Variants in EFCAB6 observed in about 807,000 individuals in gnomAD.
EFCAB6 encodes EF-hand calcium-binding domain-containing protein 6.
In EFCAB6, 156 loss-of-function variants were observed where a neutral mutation model predicts 169.8. That is an observed-to-expected ratio of 0.92 (90% CI 0.81 to 1.05). The LOEUF (loss-of-function observed/expected upper bound fraction) is 1.05. Among genes scored for constraint, EFCAB6 ranks in the 50% least tolerant of loss-of-function variants. EFCAB6 has a pLI of 0.00. For synonymous variants in EFCAB6, 698 were observed against 676.4 expected (o/e 1.03, Z -0.50); for missense variants, 1,800 against 1,829.1 (o/e 0.98, Z 0.29).
At chr22:43,580,188 T>G (rs1234982819) in intron 25 of EFCAB6, among the ~76,000 whole-genome samples, 1 of 152,170 alleles carries the variant, frequency 6.6e-6, no homozygotes, top group Admixed American at 6.5e-5. Flanking sequence ...GAGCCCACTC[T>G]TGCCCAAGGG....
chr22:43,773,202 T>C (rs1233381729), intron 3 of EFCAB6, 99 bp from the exon 4 acceptor site: 1 of 1,185,074 alleles, frequency 8.4e-7, no homozygotes, highest in East Asian at 2.5e-5. Context: ...ACTTATTAGA[T>C]GGTATTTCTC....
intron 10 of EFCAB6, among the ~76,000 whole-genome samples, chr22:43,709,887 C>T (rs192613687): frequency 7.6e-4 from 115 of 152,190 alleles, no homozygotes; most frequent in Admixed American, 9.8e-4. Context: ...CCACAGCATT[C>T]GTACATGGTG....
At position 43,795,420 on chromosome 22, in the gene EFCAB6, C is replaced by A. The variant is rs900154997; in HGVS notation, c.-7-13095G>T. Among the ~76,000 whole-genome samples, 4 of 152,126 alleles carry A rather than the reference C, an allele frequency of 2.6e-5. No individual in the cohort carries two copies. The highest frequency in any genetic ancestry group is 9.7e-5 in the African/African-American group (4 of 41,418). On this transcript the variant is annotated intron_variant, in intron 2 of 31. Coordinates refer to ENST00000262726, the MANE Select transcript of EFCAB6 (RefSeq NM_022785.4). This position sits in a 1 kb window ranked among gnomAD's most constrained non-coding sequence, Gnocchi z 4.2. ...GTCATGGCATGTTCTAGACATCATG[C>A]CTACCAGTGCCCACTAGGCAGGAGA...
At chr22:43,691,083 AC>A (rs955508784) in intron 10 of EFCAB6, among the ~76,000 whole-genome samples, 3 of 152,092 alleles carry the variant, frequency 2.0e-5, no homozygotes, top group Admixed American at 6.6e-5. Flanking sequence ...AGCACTGTGG[AC>A]ATGATCATGA....
intron 2 of EFCAB6, among the ~76,000 whole-genome samples, chr22:43,796,880 G>A (rs1311620491): frequency 2.6e-5 from 4 of 152,208 alleles, no homozygotes; most frequent in Non-Finnish European, 2.9e-5. Context: ...CTGGATTGTC[G>A]AGTGGGCCCT....
chr22:43,627,148 A>T (rs1480599012), intron 19 of EFCAB6, among the ~76,000 whole-genome samples: 1 of 152,186 alleles, frequency 6.6e-6, no homozygotes. Context: ...TGTTTCGATG[A>T]CCGTGATAGA....
intron 17 of EFCAB6, among the ~76,000 whole-genome samples, chr22:43,653,351 A>G (rs1376099610): frequency 1.3e-5 from 2 of 152,246 alleles, no homozygotes; most frequent in Non-Finnish European, 2.9e-5. Context: ...TATACCCAAT[A>G]AGATACATGG....
At chr22:43,566,312 C>T (rs947916740) in intron 26 of EFCAB6, among the ~76,000 whole-genome samples, 2 of 152,218 alleles carry the variant, frequency 1.3e-5, no homozygotes, top group Non-Finnish European at 2.9e-5. Flanking sequence ...GATCTCTTAC[C>T]ACACAAGGAT....
chr22:43,620,106 T>C (rs2054015449), intron 20 of EFCAB6, among the ~76,000 whole-genome samples: 1 of 152,126 alleles, frequency 6.6e-6, no homozygotes, highest in South Asian at 2.1e-4. Context: ...TTGCTTGAAC[T>C]CAGGAGTTCG....
chr22:43,695,201 T>C (rs548709620), intron 10 of EFCAB6, among the ~76,000 whole-genome samples: 1 of 152,152 alleles, frequency 6.6e-6, no homozygotes, highest in South Asian at 2.1e-4. Flanking sequence ...TATTTCTGAT[T>C]AATAGCCATA....
rs140066633 is a variant in EFCAB6, at chr22:43,610,461, A to T, written c.2563-1861T>A. 1.0e-3 allele frequency among the ~76,000 whole-genome samples: 158 copies of T among 152,362 alleles called. 1 individual carries two copies. The highest frequency in any genetic ancestry group is 3.6e-3 in the African/African-American group (150 of 41,584). ...CTAATAACAAACAAAATGCCAATCA[A>T]ATCTGCAATGAGATACTATTACATA... is the stretch of plus-strand genomic sequence containing the variant. On this transcript the variant is annotated intron_variant, in intron 21 of 31. Coordinates refer to ENST00000262726, the MANE Select transcript of EFCAB6 (RefSeq NM_022785.4).
At chr22:43,678,431 G>A (rs2057869046) in intron 12 of EFCAB6, among the ~76,000 whole-genome samples, 1 of 150,340 alleles carries the variant, frequency 6.7e-6, no homozygotes, top group Admixed American at 6.7e-5. Flanking sequence ...CATGGCTTTG[G>A]GTGAGCAATG....
rs1439573177 is a variant in EFCAB6, at chr22:43,600,495, A to G, written c.2682-232T>C. ...GCATCCTCATGTTAACAAGGACCCC[A>G]GGTGACTCACAGGCACATCAGCATT... On this transcript the variant is annotated intron_variant, in intron 22 of 31. Coordinates refer to ENST00000262726, the MANE Select transcript of EFCAB6 (RefSeq NM_022785.4). 3.9e-5 allele frequency among the ~76,000 whole-genome samples: 6 copies of G among 152,272 alleles called. No homozygotes were observed. The East Asian group carries it at 1.2e-3, about 29-fold the overall frequency.
chr22:43,746,051 G>A lies in EFCAB6; in HGVS notation c.507+9715C>T, dbSNP rs140682846. On this transcript the variant is annotated intron_variant, in intron 6 of 31. Transcript: ENST00000262726. ...TTCCTATTTACCAGCTGGTAGAGAT[G>A]CGCCAAACCAGATAGGAAAAAATTA... Among the ~76,000 whole-genome samples, 28 of 152,248 alleles carry A rather than the reference G, an allele frequency of 1.8e-4. No homozygotes were observed. The East Asian group carries it at 5.2e-3, about 28-fold the overall frequency.
intron 28 of EFCAB6, among the ~76,000 whole-genome samples, chr22:43,539,243 G>A (rs182216462): frequency 2.0e-5 from 3 of 152,276 alleles, no homozygotes; most frequent in Non-Finnish European, 4.4e-5. Flanking sequence ...CCAAGGATTA[G>A]GACACAGGCA....
At chr22:43,684,212 T>C (rs753409433) in intron 11 of EFCAB6, among the ~76,000 whole-genome samples, 22 of 152,182 alleles carry the variant, frequency 1.4e-4, no homozygotes, top group Non-Finnish European at 2.8e-4. Context: ...CTCCTGTGTG[T>C]GCAGCACATT....
At chr22:43,581,178 T>C (rs2050698027) in intron 24 of EFCAB6, among the ~76,000 whole-genome samples, 2 of 152,104 alleles carry the variant, frequency 1.3e-5, no homozygotes, top group South Asian at 4.1e-4. Context: ...ATGGAGGCCT[T>C]AACCAAGAAG....
At chr22:43,529,532 CTT>C (rs1199045370) in intron 31 of EFCAB6, among the ~76,000 whole-genome samples, 1 of 152,246 alleles carries the variant, frequency 6.6e-6, no homozygotes, top group South Asian at 2.1e-4. Context: ...CTCAGCCTCT[CTT>C]GCAGCTAGGT....
intron 3 of EFCAB6, among the ~76,000 whole-genome samples, chr22:43,780,401 C>A (rs1380095786): frequency 6.9e-6 from 1 of 144,388 alleles, no homozygotes; most frequent in East Asian, 2.1e-4. Flanking sequence ...GCATGAGAAT[C>A]ACTTGAACCT....
Sources: allele counts gnomAD v4.1 joint callset (sites outside exome capture counted in the v4.1 genomes callset), GRCh38; gene constraint gnomAD v4.1.1; non-coding constraint Gnocchi (gnomAD v3.1); transcripts MANE v1.5; gene names NCBI Gene and HGNC (gene_info 2026-07-23, HGNC 2026-07-21).